The following SUCLG2 variants were observed in gnomAD, a reference collection of about 807,000 sequenced individuals.
SUCLG2 encodes succinate-CoA ligase GDP-forming subunit beta, also known as succinate--CoA ligase [GDP-forming] subunit beta, mitochondrial.
A neutral mutation model predicts 47.9 loss-of-function variants in SUCLG2; 42 were observed. The ratio of observed to expected loss-of-function variants is 0.88; its 90% CI spans 0.69 to 1.14. The LOEUF (loss-of-function observed/expected upper bound fraction) is 1.14. Ranked by LOEUF, SUCLG2 falls within the 50% of genes most tolerant of loss-of-function variation. The probability of loss-of-function intolerance (pLI) is 0.00; values close to 1 mark genes in which losing one functional copy is unlikely to be tolerated. For missense variants in SUCLG2, 571 were observed against 525.9 expected (o/e 1.09, Z -0.84); for synonymous variants, 195 against 197.3 (o/e 0.99, Z 0.10).
chr3:67,630,068 A>G (rs1386691842), intron 1 of SUCLG2, among the ~76,000 whole-genome samples: 1 of 152,202 alleles, frequency 6.6e-6, no homozygotes, highest in Non-Finnish European at 1.5e-5. Context: ...TGTCTCTAAA[A>G]ATAAAAAAAA....
chr3:67,645,455 T>C (rs189182676), intron 1 of SUCLG2, among the ~76,000 whole-genome samples: 7 of 152,312 alleles, frequency 4.6e-5, no homozygotes, highest in African/African-American at 1.7e-4. Flanking sequence ...CATTCAGTCC[T>C]TCTGCATCAT....
intron 10 of SUCLG2, among the ~76,000 whole-genome samples, chr3:67,366,922 G>C (rs1404036111): frequency 6.6e-6 from 1 of 152,134 alleles, no homozygotes; most frequent in Non-Finnish European, 1.5e-5. Flanking sequence ...TCAACATACT[G>C]TTTGACATTC....
In SUCLG2 at chr3:67,363,764, G is replaced by C. The variant is rs1701840034; in HGVS notation, c.1184-2996C>G. On this transcript the variant is annotated intron_variant, in intron 10 of 10. Transcript: ENST00000493112. ...GGTAACTCAGCAAACAGATCAAAGA[G>C]AGAACAATAGCACTTCCTCCCCCTC... is the stretch of plus-strand genomic sequence containing the variant. Among the ~76,000 whole-genome samples the C allele has an allele frequency of 2.0e-5, 3 of 152,236 alleles. No individual in the cohort carries two copies. In the South Asian group the frequency reaches 6.2e-4, roughly 32 times the overall value.
intron 1 of SUCLG2, among the ~76,000 whole-genome samples, chr3:67,652,783 T>C (rs1327268486): frequency 6.6e-6 from 1 of 152,208 alleles, no homozygotes; most frequent in Non-Finnish European, 1.5e-5. Flanking sequence ...TATCGTTGAA[T>C]ATGTCATTGA....
intron 9 of SUCLG2, among the ~76,000 whole-genome samples, chr3:67,467,059 C>G (rs1057032442): frequency 6.6e-6 from 1 of 152,164 alleles, no homozygotes; most frequent in African/African-American, 2.4e-5. Flanking sequence ...AATTGAGAAT[C>G]GGAACTTCCA....
chr3:67,476,582 C>G (rs1704764190), intron 9 of SUCLG2, among the ~76,000 whole-genome samples: 1 of 152,106 alleles, frequency 6.6e-6, no homozygotes, highest in African/African-American at 2.4e-5. Flanking sequence ...ATGTAATGCA[C>G]TTGAATCATC....
chr3:67,372,878 G>C (rs1701972644), downstream of SUCLG2, among the ~76,000 whole-genome samples: 1 of 152,138 alleles, frequency 6.6e-6, no homozygotes, highest in Admixed American at 6.6e-5. Context: ...AAGGGCCAAA[G>C]AGGAAATATT....
chr3:67,627,374 C>G (rs1480769764), intron 1 of SUCLG2, among the ~76,000 whole-genome samples: 1 of 152,188 alleles, frequency 6.6e-6, no homozygotes, highest in Non-Finnish European at 1.5e-5. Flanking sequence ...TGTTGCACAT[C>G]TGTGTGAAAA....
At position 67,609,377 on chromosome 3, in the gene SUCLG2, A is replaced by T. The variant is rs540288537; in HGVS notation, c.226+78T>A. 411 of 1,515,970 alleles carry T rather than the reference A, an allele frequency of 2.7e-4. 6 individuals carry two copies. The South Asian group carries it at 4.1e-3, about 15-fold the overall frequency. The allele number at this position is 1,515,970 out of a possible 1,614,324, so 93.9% of individuals were successfully genotyped here. A position where few individuals can be genotyped will look rare whatever the true frequency, so the allele number is the denominator to read the frequency against. On this transcript the variant is annotated intron_variant, in intron 2 of 10. Coordinates refer to ENST00000307227, the MANE Select transcript of SUCLG2 (RefSeq NM_003848.4). Reference sequence around the variant, plus strand: ...TGTCAGTTTAATCCACAACAAAAAAAATTAACTAGTGGGAAGCCACTACCT... The same window carrying T: ...TGTCAGTTTAATCCACAACAAAAAATATTAACTAGTGGGAAGCCACTACCT...
rs778631174 is a variant in SUCLG2, at chr3:67,654,594, A to G, written c.-8T>C. ...TGCTACGGGGGACGCCATCTTAAACAGGAAACTCGGCACGGGGCAGTAGGG... is the reference window on the plus strand; with the variant it reads ...TGCTACGGGGGACGCCATCTTAAACGGGAAACTCGGCACGGGGCAGTAGGG... On this transcript the variant is annotated 5_prime_UTR_variant, in exon 1 of 11. Transcript: ENST00000307227. The G allele has an allele frequency of 2.4e-6, 3 of 1,272,296 alleles. No individual in the cohort carries two copies. In the Admixed American group the frequency reaches 1.1e-4, roughly 45 times the overall value. The allele number at this position is 1,272,296 out of a possible 1,614,324, so 78.8% of individuals were successfully genotyped here. A position where few individuals can be genotyped will look rare whatever the true frequency, so the allele number is the denominator to read the frequency against.
intron 4 of SUCLG2, among the ~76,000 whole-genome samples, chr3:67,526,758 G>C (rs1433262228): frequency 6.6e-6 from 1 of 152,106 alleles, no homozygotes; most frequent in Non-Finnish European, 1.5e-5. Context: ...AATGTAAAAT[G>C]GAACAGCCAT....
chr3:67,567,985 G>A (rs765431387), intron 2 of SUCLG2, among the ~76,000 whole-genome samples: 1 of 152,184 alleles, frequency 6.6e-6, no homozygotes, highest in Non-Finnish European at 1.5e-5. Context: ...GCACTGATCA[G>A]CTCTCTTAAG....
intron 2 of SUCLG2, among the ~76,000 whole-genome samples, chr3:67,602,405 C>A (rs1708439762): frequency 6.6e-6 from 1 of 152,142 alleles, no homozygotes; most frequent in African/African-American, 2.4e-5. Context: ...AGCCTGCCTG[C>A]CCACAACCCG....
At chr3:67,532,960 C>T (rs1487039772) in intron 2 of SUCLG2, among the ~76,000 whole-genome samples, 1 of 151,880 alleles carries the variant, frequency 6.6e-6, no homozygotes, top group African/African-American at 2.4e-5. Context: ...TTCTTGGAAG[C>T]AGTAGGTCTA....
chr3:67,403,724 G>C (rs1380849152), intron 9 of SUCLG2, among the ~76,000 whole-genome samples: 1 of 152,136 alleles, frequency 6.6e-6, no homozygotes, highest in Non-Finnish European at 1.5e-5. Flanking sequence ...CTGAGATAAA[G>C]GGAGCAGCCA....
At chr3:67,533,483 A>G (rs1258383664) in intron 2 of SUCLG2, among the ~76,000 whole-genome samples, 1 of 152,140 alleles carries the variant, frequency 6.6e-6, no homozygotes, top group Non-Finnish European at 1.5e-5. Context: ...CTTCCCTGAG[A>G]GTTGATAGAA....
intron 2 of SUCLG2, among the ~76,000 whole-genome samples, chr3:67,568,314 C>T (rs2634724): frequency 0.035 from 5,254 of 151,722 alleles, 309 homozygotes; most frequent in African/African-American, 0.12. Context: ...GGGAAAGCAT[C>T]GAATAGATTT....
At chr3:67,532,063 G>A (rs1195507538) in intron 2 of SUCLG2, among the ~76,000 whole-genome samples, 2 of 152,104 alleles carry the variant, frequency 1.3e-5, no homozygotes, top group African/African-American at 4.8e-5. Flanking sequence ...TGAATAAGAC[G>A]ACTTAACCAT....
intron 9 of SUCLG2, among the ~76,000 whole-genome samples, chr3:67,413,665 C>T (rs186706743): frequency 2.6e-5 from 4 of 152,156 alleles, no homozygotes; most frequent in African/African-American, 4.8e-5. Context: ...AAAAACCATG[C>T]GGAAGGAAAC....
Sources: gnomAD v4.1 joint callset for allele counts (sites outside exome capture counted in the v4.1 genomes callset) on GRCh38, gnomAD v4.1.1 for gene constraint, MANE v1.5 for transcripts, NCBI Gene and HGNC (gene_info 2026-07-23, HGNC 2026-07-21) for gene names.